Variants in CLTCL1 observed in about 807,000 individuals in gnomAD.
CLTCL1 encodes clathrin heavy chain like 1.
CLTCL1 carries 159 observed loss-of-function variants against 190.0 expected under a neutral mutation model. The ratio of observed to expected loss-of-function variants is 0.84; its 90% CI spans 0.74 to 0.95. The LOEUF is 0.95. Among genes scored for constraint, CLTCL1 ranks in the 40% least tolerant of loss-of-function variants. The probability of loss-of-function intolerance (pLI) is 0.00; values close to 1 mark genes in which losing one functional copy is unlikely to be tolerated. For synonymous variants in CLTCL1, 752 were observed against 769.6 expected, an observed-to-expected ratio of 0.98 and a Z score of 0.38; for missense variants, 1,878 against 2,033.4, an observed-to-expected ratio of 0.92 and a Z score of 1.47.
At chr22:19,285,002 G>A (rs370534833) in intron 1 of CLTCL1, among the ~76,000 whole-genome samples, 3 of 151,836 alleles carry the variant, frequency 2.0e-5, no homozygotes, top group South Asian at 2.1e-4. Flanking sequence ...CACGCTGGGC[G>A]CGGTGGCTCA....
chr22:19,247,206 T>C (rs1258969507), intron 3 of CLTCL1, among the ~76,000 whole-genome samples: 1 of 152,176 alleles, frequency 6.6e-6, no homozygotes, highest in African/African-American at 2.4e-5. Context: ...CTCCATTCTT[T>C]TGCATGTGGA....
rs368509230 is a variant in CLTCL1, at chr22:19,226,273, G to A, written c.1893C>T (p.Thr631=). ...GLLQQALEHY[T]DLYDIKRAVV... ...CAGCCCTCTTGATGTCATAGAGGTC[G>A]GTGTAGTGCTCCAGTGCTTGCTGCA... Residue 631 remains threonine (T), a synonymous_variant, in exon 12 of 33, where the codon ACC becomes ACT. Coordinates refer to ENST00000427926, the MANE Select transcript of CLTCL1 (RefSeq NM_007098.4). The A allele has an allele frequency of 1.4e-5, 22 of 1,613,890 alleles. No homozygotes were observed. Among genetic ancestry groups the A allele is most frequent in the African/African-American group, 2.7e-5 (2 of 74,934 alleles).
At chr22:19,269,101 A>G (rs1174694122) in intron 2 of CLTCL1, among the ~76,000 whole-genome samples, 1 of 150,684 alleles carries the variant, frequency 6.6e-6, no homozygotes, top group Non-Finnish European at 1.5e-5. Context: ...AAAAAAAAAA[A>G]GAAGAAAAAA....
At chr22:19,228,385 G>T (rs902701785) in intron 11 of CLTCL1, among the ~76,000 whole-genome samples, 3 of 152,182 alleles carry the variant, frequency 2.0e-5, no homozygotes, top group Admixed American at 2.0e-4. Context: ...CCAACTACTT[G>T]TTTCTCCTTT....
intron 7 of CLTCL1, 62 bp from the exon 8 acceptor site, chr22:19,233,684 T>G (rs976158749): frequency 2.3e-5 from 35 of 1,505,824 alleles, no homozygotes; most frequent in Non-Finnish European, 2.6e-5. Context: ...TTCACTCAAC[T>G]TCCTTGTATG....
intron 2 of CLTCL1, among the ~76,000 whole-genome samples, chr22:19,275,279 G>A (rs1375624914): frequency 6.6e-6 from 1 of 152,182 alleles, no homozygotes; most frequent in East Asian, 1.9e-4. Flanking sequence ...TCGGATGACC[G>A]GAAGCACCAC....
chr22:19,193,167 G>A (rs1371641336), intron 26 of CLTCL1, among the ~76,000 whole-genome samples: 1 of 152,250 alleles, frequency 6.6e-6, no homozygotes. Context: ...TATCACGCGA[G>A]TGGACAGACT....
In CLTCL1 at chr22:19,280,647, T is replaced by C. The variant is rs571693990; in HGVS notation, c.43-4817A>G. 4.0e-5 allele frequency among the ~76,000 whole-genome samples: 6 copies of C among 151,584 alleles called. No individual in the cohort carries two copies. The South Asian group carries it at 1.2e-3, about 32-fold the overall frequency. ...CAGCCTGGCCAACACGGTGAAACCCTGTCTCTATCAAAAATACAAAAATTA... is the reference window on the plus strand; with the variant it reads ...CAGCCTGGCCAACACGGTGAAACCCCGTCTCTATCAAAAATACAAAAATTA... On this transcript the variant is annotated intron_variant, in intron 1 of 32. Transcript: ENST00000427926.
rs782800288 is a variant in CLTCL1, at chr22:19,210,451, C to T, written c.3124G>A (p.Glu1042Lys). 15 of 1,613,994 alleles carry T rather than the reference C, an allele frequency of 9.3e-6. No homozygotes were observed. Among genetic ancestry groups the T allele is most frequent in the Non-Finnish European group, 1.3e-5 (15 of 1,179,880 alleles). The change falls in exon 20 of 33, where the codon GAG becomes AAG. Residue 1042 changes from glutamate to lysine, a missense_variant. By Grantham distance (56) the Glu-to-Lys change is moderately conservative. Transcript: ENST00000427926. ...TAGTTGTCCAGGCGGCTGATGTACT[C>T]CATGACCCGTGTGCGGTCTGCCTTG... The part of the protein sequence containing the change: ...AIKADRTRVM[E>K]YISRLDNYDA...
At position 19,226,213 on chromosome 22, in the gene CLTCL1, C is replaced by G. The variant is rs782518579; in HGVS notation, c.1947+6G>C. 6.2e-7 allele frequency: 1 copy of G among 1,613,152 alleles called. No homozygotes were observed. The highest frequency in any genetic ancestry group is 8.5e-7 in the Non-Finnish European group (1 of 1,179,592). ...CATAATAGGAGTGCCCAGGGGTACA[C>G]AGTACCTCGGGATTGAGGAGGTGAG... On this transcript the variant is annotated splice_donor_region_variant and intron_variant, in intron 12 of 32. Coordinates refer to ENST00000427926, the MANE Select transcript of CLTCL1 (RefSeq NM_007098.4).
At chr22:19,182,053 C>T (rs2084158700) in intron 30 of CLTCL1, 1 of 152,238 alleles carries the variant, frequency 6.6e-6, no homozygotes, top group Non-Finnish European at 1.5e-5. Flanking sequence ...ATGACACTCC[C>T]TAGGGCCTGG....
chr22:19,231,173 G>A (rs891255780), intron 10 of CLTCL1, among the ~76,000 whole-genome samples: 6 of 152,202 alleles, frequency 3.9e-5, no homozygotes, highest in African/African-American at 9.6e-5. Flanking sequence ...CTTGCAGACA[G>A]TCTATCACAG....
intron 8 of CLTCL1, 31 bp downstream of exon 8, chr22:19,233,391 G>T (rs200765462): frequency 4.3e-6 from 7 of 1,612,182 alleles, no homozygotes; most frequent in African/African-American, 1.3e-5. Context: ...CAAGCTGTGC[G>T]GGGGGGCTAC....
At chr22:19,251,613 T>C (rs966127846) in intron 3 of CLTCL1, among the ~76,000 whole-genome samples, 18 of 152,282 alleles carry the variant, frequency 1.2e-4, no homozygotes, top group East Asian at 9.7e-4. Flanking sequence ...CCCGCCACCG[T>C]GCCCGGCTAA....
chr22:19,282,158 G>A (rs150557283), intron 1 of CLTCL1, among the ~76,000 whole-genome samples: 2,658 of 151,982 alleles, frequency 0.017, 75 homozygotes, highest in African/African-American at 0.06. Context: ...GTGAAACCCC[G>A]TCTCTACTAA....
intron 22 of CLTCL1, among the ~76,000 whole-genome samples, chr22:19,202,781 G>A (rs189736930): frequency 6.8e-4 from 104 of 152,248 alleles, no homozygotes; most frequent in African/African-American, 2.5e-3. Flanking sequence ...GATTCCTCAA[G>A]CTGAGTATTT....
At chr22:19,275,499 G>T in intron 2 of CLTCL1, 124 bp downstream of exon 2, 1 of 1,043,692 alleles carries the variant, frequency 9.6e-7, no homozygotes, top group Non-Finnish European at 1.4e-6. Flanking sequence ...AAAACTTTTG[G>T]AATTAAGTGG....
chr22:19,275,773 A>G lies in CLTCL1; in HGVS notation c.100T>C (p.Ser34Pro), dbSNP rs781947109. ...TCTCGGATACATATGAACTTGTCAG[A>G]TTCCATGGTCAGTGTGCTGAATCCA... Reference protein sequence around the residue: ...NIGFSTLTMESDKFICIREKV... With the variant: ...NIGFSTLTMEPDKFICIREKV... The change falls in exon 2 of 33, where the codon TCT becomes CCT. Residue 34 changes from serine (S) to proline (P), a missense_variant. Transcript: ENST00000427926. 4.3e-6 allele frequency: 7 copies of G among 1,610,136 alleles called. No individual in the cohort carries two copies. Among genetic ancestry groups the G allele is most frequent in the Non-Finnish European group, 5.9e-6 (7 of 1,178,220 alleles).
At chr22:19,291,159 C>T (rs1555993198) in intron 1 of CLTCL1, among the ~76,000 whole-genome samples, 1 of 152,248 alleles carries the variant, frequency 6.6e-6, no homozygotes, top group Non-Finnish European at 1.5e-5. Flanking sequence ...CGCATGTTCA[C>T]GGTCCTCCCA....
Sources: gnomAD v4.1 joint callset for allele counts (sites outside exome capture counted in the v4.1 genomes callset) on GRCh38, gnomAD v4.1.1 for gene constraint, MANE v1.5 for transcripts, NCBI Gene and HGNC (gene_info 2026-07-23, HGNC 2026-07-21) for gene names.